The following AMOT variants were observed in gnomAD, a reference collection of about 807,000 sequenced individuals.
The protein encoded by AMOT is angiomotin.
In AMOT, 11 loss-of-function variants were observed where a neutral mutation model predicts 67.0. The ratio of observed to expected loss-of-function variants is 0.16; its 90% CI spans 0.10 to 0.27. AMOT has a LOEUF of 0.27. Among genes scored for constraint, AMOT ranks in the 10% least tolerant of loss-of-function variants. The pLI, the probability that AMOT is intolerant of heterozygous loss-of-function variation, is 1.00. For synonymous variants in AMOT, 326 were observed against 321.4 expected (o/e 1.01, Z -0.15); for missense variants, 753 against 852.0 (o/e 0.88, Z 1.45).
chrX:112,787,199 A>C (rs1933392059), intron 10 of AMOT, among the ~76,000 whole-genome samples: 1 of 112,077 alleles, frequency 8.9e-6, no homozygotes, highest in Non-Finnish European at 1.9e-5. Context: ...AGACCACCTA[A>C]TACGACTTAT....
intron 7 of AMOT, 35 bp downstream of exon 7, chrX:112,809,858 CA>C: frequency 8.7e-7 from 1 of 1,152,579 alleles, no homozygotes; most frequent in East Asian, 3.0e-5. Flanking sequence ...CTCCCATCCA[CA>C]CGTTAATACC....
In AMOT at chrX:112,779,034, C is replaced by T. The variant is rs1569388031; in HGVS notation, c.3120G>A (p.Leu1040=). The T allele has an allele frequency of 8.3e-7, 1 of 1,211,300 alleles. No individual in the cohort carries two copies. The highest frequency in any genetic ancestry group is 3.0e-5 in the East Asian group (1 of 33,873). ...SPATGPGPHR[L]SIPSLTCNPD... ...GATTGCAGGTCAAACTTGGTATAGACAAACGATGTGGTCCAGGACCGGTAG... is the reference window on the plus strand; with the variant it reads ...GATTGCAGGTCAAACTTGGTATAGATAAACGATGTGGTCCAGGACCGGTAG... Residue 1040 remains leucine, a synonymous_variant, in exon 13 of 14, where the codon TTG becomes TTA. Transcript: ENST00000371959.
chrX:112,831,235 T>C (rs1934976701), intron 2 of AMOT, among the ~76,000 whole-genome samples: 1 of 110,179 alleles, frequency 9.1e-6, no homozygotes, highest in Admixed American at 9.8e-5. Flanking sequence ...CCGTGACTTC[T>C]TAGCCAGAAC....
chrX:112,800,094 G>A (rs920732141), intron 8 of AMOT, among the ~76,000 whole-genome samples: 3 of 111,130 alleles, frequency 2.7e-5, no homozygotes, highest in Non-Finnish European at 5.7e-5. Flanking sequence ...AGCTGGACGT[G>A]GTGGCACATG....
chrX:112,812,568 G>A (rs1934404032), intron 5 of AMOT, among the ~76,000 whole-genome samples: 1 of 111,879 alleles, frequency 8.9e-6, no homozygotes, highest in Non-Finnish European at 1.9e-5. Flanking sequence ...AGACTCCAGA[G>A]TTTTTCTGTA....
rs1419201913 is a variant in AMOT, at chrX:112,805,102, C to A, written c.1631-10G>T. On this transcript the variant is annotated splice_polypyrimidine_tract_variant and intron_variant, in intron 7 of 13. Coordinates refer to ENST00000371959, the MANE Select transcript of AMOT (RefSeq NM_001113490.2). ...CGCTGGCTTTCTTTATCTGTCAGGACATTAAACATCAACACTGCCAGCCTG... is the reference window on the plus strand; with the variant it reads ...CGCTGGCTTTCTTTATCTGTCAGGAAATTAAACATCAACACTGCCAGCCTG... 1 of 1,208,774 alleles carries A rather than the reference C, an allele frequency of 8.3e-7. No individual in the cohort carries two copies.
rs1411866166 is a variant in AMOT, at chrX:112,815,583, A to G, written c.1167T>C (p.His389=). 9.1e-6 allele frequency: 11 copies of G among 1,207,094 alleles called. No individual in the cohort carries two copies. Among genetic ancestry groups the G allele is most frequent in the South Asian group, 1.8e-5 (1 of 56,565 alleles). Reference sequence around the variant, plus strand: ...GCTGCTGCTGCTGTTGTTGGTGGTGATGGTGATGATGGTGCTGCTGCTGCT... The same window carrying G: ...GCTGCTGCTGCTGTTGTTGGTGGTGGTGGTGATGATGGTGCTGCTGCTGCT... ...QQQQQQHHHH[H]HHQQQQQQQP... The change falls in exon 5 of 14, where the codon CAT becomes CAC. Residue 389 remains histidine, a synonymous_variant. Transcript: ENST00000371959.
chrX:112,829,500 A>AAAC lies in AMOT; in HGVS notation c.-212+2791_-212+2793dup, dbSNP rs1037803616. On this transcript the variant is annotated intron_variant, in intron 2 of 13. Transcript: ENST00000371959. Reference sequence around the variant, plus strand: ...AGCCTGCAGAACTGTGAGCCCATTAAAACTCTTTTCTTTATAAATTACCCT... The same window carrying AAAC: ...AGCCTGCAGAACTGTGAGCCCATTAAAACAACTCTTTTCTTTATAAATTACCCT... Among the ~76,000 whole-genome samples the AAAC allele has an allele frequency of 5.4e-5, 6 of 111,902 alleles. No individual in the cohort carries two copies. In the Admixed American group the frequency reaches 5.7e-4, roughly 11 times the overall value.
intron 10 of AMOT, among the ~76,000 whole-genome samples, chrX:112,783,802 A>T (rs780682159): frequency 1.8e-5 from 2 of 110,535 alleles, no homozygotes; most frequent in African/African-American, 6.6e-5. Flanking sequence ...CAGACAATAG[A>T]CCGAGAAAAC....
Position 112,805,007 on chromosome X carries a change from G to A in AMOT, c.1716C>T (p.Ile572=), listed in dbSNP as rs750496298. Residue 572 remains isoleucine (I), a synonymous_variant, in exon 8 of 14, where the codon ATC becomes ATT. Transcript: ENST00000371959. The part of the protein sequence containing the change: ...RSTNEDQRRH[I]EIRDQALSNA... ...TACTCAGGGCCTGATCTCGGATTTC[G>A]ATGTGTCGTCTTTGGTCCTCATTGG... 12 of 1,208,516 alleles carry A rather than the reference G, an allele frequency of 9.9e-6. No individual in the cohort carries two copies. The highest frequency in any genetic ancestry group is 7.1e-5 in the South Asian group (4 of 56,720).
chrX:112,797,001 C>T (rs1258369314), intron 8 of AMOT, among the ~76,000 whole-genome samples: 1 of 112,000 alleles, frequency 8.9e-6, no homozygotes, highest in Non-Finnish European at 1.9e-5. Flanking sequence ...AACATTGCAG[C>T]ACTACTGGAG....
intron 5 of AMOT, 55 bp from the exon 6 acceptor site, chrX:112,811,448 G>C: frequency 8.6e-7 from 1 of 1,168,639 alleles, no homozygotes; most frequent in South Asian, 1.9e-5. Flanking sequence ...TGGGGAAAAT[G>C]GTCTGAAAAC....
chrX:112,838,229 G>A (rs1002787877), intron 1 of AMOT, among the ~76,000 whole-genome samples: 1 of 111,784 alleles, frequency 8.9e-6, no homozygotes, highest in African/African-American at 3.3e-5. Context: ...GGACTTTTCT[G>A]GGGTAAAGGA....
rs149292677 is a variant in AMOT at position 112,801,003 on chromosome X, C to T, written c.1776+3944G>A. Among the ~76,000 whole-genome samples the T allele has an allele frequency of 7.5e-3, 838 of 111,762 alleles. 6 individuals carry two copies. The highest frequency in any genetic ancestry group is 0.026 in the African/African-American group (800 of 30,780). ...CAGCCCTCTCACATTCCACACTCTC[C>T]CTTCCTGTGCACTCAGTTCAGTAAG... On this transcript the variant is annotated intron_variant, in intron 8 of 13. Coordinates refer to ENST00000371959, the MANE Select transcript of AMOT (RefSeq NM_001113490.2).
chrX:112,817,252 T>C (rs764753046), intron 4 of AMOT, among the ~76,000 whole-genome samples: 1 of 112,209 alleles, frequency 8.9e-6, no homozygotes, highest in African/African-American at 3.2e-5. Flanking sequence ...AGGTCACAAA[T>C]AAATTGCAAA....
chrX:112,788,293 A>C (rs1377485358), intron 10 of AMOT, among the ~76,000 whole-genome samples: 1 of 110,538 alleles, frequency 9.0e-6, no homozygotes, highest in African/African-American at 3.3e-5. Context: ...CTTCTCAAAA[A>C]AAAAAAAAAA....
At chrX:112,833,123 C>T (rs1421256432) in intron 1 of AMOT, among the ~76,000 whole-genome samples, 1 of 111,742 alleles carries the variant, frequency 8.9e-6, no homozygotes, top group Non-Finnish European at 1.9e-5. Context: ...ACACCGTGGG[C>T]ACAGCATATG....
Position 112,775,779 on chromosome X carries a change from G to C in AMOT, c.*2788C>G, listed in dbSNP as rs1362922165. ...GGAACACTGGGGTACAACTGAATTA[G>C]AAGGTCCTCAGAGATCACCAAGCAG... On this transcript the variant is annotated 3_prime_UTR_variant, in exon 14 of 14. Transcript: ENST00000371959. 3 of 112,129 alleles carry C rather than the reference G, an allele frequency of 2.7e-5. No individual in the cohort carries two copies. The highest frequency in any genetic ancestry group is 5.6e-5 in the Non-Finnish European group (3 of 53,196). The allele number at this position is 112,129 out of a possible 1,213,427, so 9.2% of individuals were successfully genotyped here.
At chrX:112,812,655 G>A (rs943691584) in intron 5 of AMOT, among the ~76,000 whole-genome samples, 2 of 111,752 alleles carry the variant, frequency 1.8e-5, no homozygotes, top group South Asian at 3.8e-4. Flanking sequence ...ATAAACCCAC[G>A]GTCTATTAAG....
Sources: gnomAD v4.1 joint callset for allele counts (sites outside exome capture counted in the v4.1 genomes callset) on GRCh38, gnomAD v4.1.1 for gene constraint, MANE v1.5 for transcripts, NCBI Gene and HGNC (gene_info 2026-07-23, HGNC 2026-07-21) for gene names.